The following TAFA1 variants were observed in gnomAD, a reference collection of about 807,000 sequenced individuals.
The protein encoded by TAFA1 is TAFA chemokine like family member 1.
A neutral mutation model predicts 18.5 loss-of-function variants in TAFA1; 4 were observed. The observed-to-expected ratio is 0.22, with a 90% CI of 0.11 to 0.49. The LOEUF (loss-of-function observed/expected upper bound fraction) is 0.49. Among genes scored for constraint, TAFA1 ranks in the 20% least tolerant of loss-of-function variants. The pLI, the probability that TAFA1 is intolerant of heterozygous loss-of-function variation, is 0.98. For synonymous variants in TAFA1, 56 were observed against 55.2 expected, an observed-to-expected ratio of 1.01 and a Z score of -0.06; for missense variants, 147 against 169.0, an observed-to-expected ratio of 0.87 and a Z score of 0.72.
chr3:68,337,172 C>T (rs1307869710), intron 2 of TAFA1, among the ~76,000 whole-genome samples: 1 of 152,148 alleles, frequency 6.6e-6, no homozygotes, highest in African/African-American at 2.4e-5. Context: ...GTTTAATTGG[C>T]TCACGGTTCC....
chr3:68,541,091 C>G (rs1032125338), intron 4 of TAFA1, among the ~76,000 whole-genome samples: 4 of 152,188 alleles, frequency 2.6e-5, no homozygotes, highest in Admixed American at 2.0e-4. Flanking sequence ...ACGTATACAT[C>G]CTTTTCAAGC....
rs183973483 is a variant in TAFA1, at chr3:68,369,894, A to G, written c.119-47386A>G. ...AAGACAGATCCTCCATTCAGACAAT[A>G]GAAAAGAAAACAGGACCACCCATGT... On this transcript the variant is annotated intron_variant, in intron 2 of 4. Coordinates refer to ENST00000478136, the MANE Select transcript of TAFA1 (RefSeq NM_213609.4). 3.7e-3 allele frequency among the ~76,000 whole-genome samples: 570 copies of G among 152,302 alleles called. 2 individuals are homozygous for G. The highest frequency in any genetic ancestry group is 0.013 in the African/African-American group (529 of 41,572).
chr3:68,108,928 T>C (rs1356961294), intron 2 of TAFA1, among the ~76,000 whole-genome samples: 2 of 151,636 alleles, frequency 1.3e-5, no homozygotes, highest in Non-Finnish European at 2.9e-5. Context: ...ATTTTAAAAA[T>C]AAAAATTCTA....
intron 3 of TAFA1, among the ~76,000 whole-genome samples, chr3:68,451,363 G>T (rs1031377355): frequency 6.6e-6 from 1 of 152,134 alleles, no homozygotes; most frequent in Non-Finnish European, 1.5e-5. Flanking sequence ...TATCCAGAGG[G>T]TAAAGACTAG....
chr3:68,248,390 G>T (rs1265679611), intron 2 of TAFA1, among the ~76,000 whole-genome samples: 1 of 149,630 alleles, frequency 6.7e-6, no homozygotes, highest in Admixed American at 6.6e-5. Flanking sequence ...GTGGGGAAAA[G>T]ACTTCAATTT....
In TAFA1 at chr3:68,379,001, C is replaced by T. The variant is rs572198962; in HGVS notation, c.119-38279C>T. 1.3e-3 allele frequency among the ~76,000 whole-genome samples: 194 copies of T among 152,172 alleles called. 10 individuals are homozygous for T. The South Asian group carries it at 0.038, about 30-fold the overall frequency. On this transcript the variant is annotated intron_variant, in intron 2 of 4. Transcript: ENST00000478136. ...CCAGTCTCGGGTATTTCTTTATAGT[C>T]GTGTGAAAACAGAATAATACACCCA...
chr3:68,018,131 T>C (rs1454605399), intron 2 of TAFA1, among the ~76,000 whole-genome samples: 2 of 152,196 alleles, frequency 1.3e-5, no homozygotes, highest in African/African-American at 4.8e-5. Context: ...GAAAACAAGA[T>C]TTTATTTCTT....
At chr3:68,295,582 A>G (rs2068192807) in intron 2 of TAFA1, among the ~76,000 whole-genome samples, 1 of 152,062 alleles carries the variant, frequency 6.6e-6, no homozygotes, top group African/African-American at 2.4e-5. Flanking sequence ...GTTTTGCTTC[A>G]TTGACTTCAC....
rs758404527 is a variant in TAFA1 at position 68,417,420 on chromosome 3, G to T, written c.259G>T (p.Ala87Ser). The T allele has an allele frequency of 6.2e-7, 1 of 1,613,412 alleles. No homozygotes were observed. ...TTRNRPSCVD[A>S]SIVIGKWWCE... is the part of the protein sequence containing the mutation. ...AAGAAACCGGCCTTCTTGCGTCGATGGTAGGTACCTGGTTTTACCTCTTGA... is the reference window on the plus strand; with the variant it reads ...AAGAAACCGGCCTTCTTGCGTCGATTGTAGGTACCTGGTTTTACCTCTTGA... The change falls in exon 3 of 5, where the codon GCC (alanine) becomes TCC (serine). Residue 87 changes from alanine to serine, a missense_variant and splice_region_variant. Ala to Ser is a moderately conservative substitution (Grantham distance 99). Coordinates refer to ENST00000478136, the MANE Select transcript of TAFA1 (RefSeq NM_213609.4).
intron 3 of TAFA1, among the ~76,000 whole-genome samples, chr3:68,464,882 G>GA (rs1256436651): frequency 6.6e-6 from 1 of 152,088 alleles, no homozygotes; most frequent in East Asian, 1.9e-4. Context: ...AAGGAGAGAA[G>GA]AAATCAGAGA....
At chr3:68,399,802 A>T (rs1269934257) in intron 2 of TAFA1, among the ~76,000 whole-genome samples, 1 of 152,156 alleles carries the variant, frequency 6.6e-6, no homozygotes, top group Non-Finnish European at 1.5e-5. Context: ...AATGAAGCAA[A>T]TAAAAGGAGG....
intron 2 of TAFA1, among the ~76,000 whole-genome samples, chr3:68,076,468 C>A (rs1207198689): frequency 7.6e-6 from 1 of 130,724 alleles, no homozygotes; most frequent in African/African-American, 2.8e-5. Flanking sequence ...TCCCCCCACC[C>A]CCCACCAGTC....
chr3:68,008,247 C>T (rs533132800), intron 2 of TAFA1, among the ~76,000 whole-genome samples: 1 of 152,316 alleles, frequency 6.6e-6, no homozygotes, highest in African/African-American at 2.4e-5. Flanking sequence ...TCAGTGCAGC[C>T]GAGATGGAGG....
intron 3 of TAFA1, among the ~76,000 whole-genome samples, chr3:68,509,000 A>G (rs2072807545): frequency 6.6e-6 from 1 of 152,076 alleles, no homozygotes; most frequent in Non-Finnish European, 1.5e-5. Flanking sequence ...CCAAGAGTCC[A>G]ATTCTGGTCT....
At chr3:68,147,009 GTATA>G (rs1325728853) in intron 2 of TAFA1, among the ~76,000 whole-genome samples, 3 of 148,094 alleles carry the variant, frequency 2.0e-5, no homozygotes, top group African/African-American at 7.7e-5. Context: ...TCTTGTGTGT[GTATA>G]TATATATGTG....
intron 3 of TAFA1, among the ~76,000 whole-genome samples, chr3:68,461,487 T>A (rs918474661): frequency 6.6e-6 from 1 of 151,212 alleles, no homozygotes; most frequent in Non-Finnish European, 1.5e-5. Context: ...TCTCAGCCGC[T>A]CTGGCTGTTC....
chr3:68,520,403 G>T (rs1414592001), intron 3 of TAFA1, among the ~76,000 whole-genome samples: 4 of 152,096 alleles, frequency 2.6e-5, no homozygotes, highest in Admixed American at 6.5e-5. Flanking sequence ...CTGATGTTCA[G>T]TTTTCTCCCA....
At chr3:68,303,135 G>A (rs550874994) in intron 2 of TAFA1, among the ~76,000 whole-genome samples, 80 of 151,540 alleles carry the variant, frequency 5.3e-4, no homozygotes, top group Admixed American at 5.0e-3. Flanking sequence ...TCAATGAGAT[G>A]TCATGAATGA....
At chr3:68,341,434 A>G (rs1241235806) in intron 2 of TAFA1, among the ~76,000 whole-genome samples, 1 of 152,186 alleles carries the variant, frequency 6.6e-6, no homozygotes, top group Non-Finnish European at 1.5e-5. Flanking sequence ...CTTAGGTTTT[A>G]CAATAGTGAT....
Sources: allele counts gnomAD v4.1 joint callset (sites outside exome capture counted in the v4.1 genomes callset), GRCh38; gene constraint gnomAD v4.1.1; transcripts MANE v1.5; gene names NCBI Gene and HGNC (gene_info 2026-07-23, HGNC 2026-07-21).